KLF7: variants seen among roughly 807,000 people sequenced by gnomAD.
KLF7 encodes the protein KLF transcription factor 7.
Under a neutral mutation model 27.3 loss-of-function variants are expected in KLF7, and 2 were observed. That is an observed-to-expected ratio of 0.07 (90% confidence interval 0.03 to 0.23). The LOEUF is 0.23. Ranked by LOEUF, KLF7 falls within the 10% of genes least tolerant of loss-of-function variation. KLF7 has a pLI of 1.00. For synonymous variants in KLF7, 165 were observed against 162.4 expected, an observed-to-expected ratio of 1.02 and a Z score of -0.12; for missense variants, 221 against 394.1, an observed-to-expected ratio of 0.56 and a Z score of 3.72.
intron 2 of KLF7, among the ~76,000 whole-genome samples, chr2:207,101,283 G>A (rs150389452): frequency 0.012 from 1,759 of 152,288 alleles, 42 homozygotes; most frequent in African/African-American, 0.04. Context: ...GGCTCTTCAC[G>A]TTAGAGCTCA....
At chr2:207,102,960 G>A (rs997441300) in intron 2 of KLF7, among the ~76,000 whole-genome samples, 4 of 152,088 alleles carry the variant, frequency 2.6e-5, no homozygotes, top group Non-Finnish European at 5.9e-5. Flanking sequence ...ACAGAGTCTC[G>A]CTCTGTCACC....
At chr2:207,123,705 A>G in intron 2 of KLF7, 69 bp downstream of exon 2, 1 of 1,514,428 alleles carries the variant, frequency 6.6e-7, no homozygotes, top group Non-Finnish European at 9.0e-7. Flanking sequence ...AACAAAGAGG[A>G]GCCCTCCCAC....
At chr2:207,140,548 G>C (rs921496767) in intron 1 of KLF7, among the ~76,000 whole-genome samples, 3 of 152,140 alleles carry the variant, frequency 2.0e-5, no homozygotes, top group African/African-American at 7.2e-5. Context: ...ATGGAAAACA[G>C]ATGAACAGTA....
At chr2:207,096,465 G>A (rs1209925295) in intron 2 of KLF7, among the ~76,000 whole-genome samples, 1 of 152,164 alleles carries the variant, frequency 6.6e-6, no homozygotes, top group Admixed American at 6.5e-5. Context: ...CTCTGTTTAT[G>A]GGTTCAGGAA....
At chr2:207,151,030 G>C (rs1224021904) in intron 1 of KLF7, among the ~76,000 whole-genome samples, 2 of 147,020 alleles carry the variant, frequency 1.4e-5, no homozygotes, top group African/African-American at 4.9e-5. Flanking sequence ...AGAAAGGAAG[G>C]GAGGGAGGGA....
rs1346699504 is a variant in KLF7 at position 207,076,463 on chromosome 2, G to T, written c.*4750C>A. 1 of 152,094 alleles carries T rather than the reference G, an allele frequency of 6.6e-6. No individual in the cohort carries two copies. Among genetic ancestry groups the T allele is most frequent in the African/African-American group, 2.4e-5 (1 of 41,412 alleles). The allele number at this position is 152,094 out of a possible 1,614,324, so 9.4% of individuals were successfully genotyped here. A position where few individuals can be genotyped will look rare whatever the true frequency, so the allele number is the denominator to read the frequency against. On this transcript the variant is annotated 3_prime_UTR_variant, in exon 4 of 4. Coordinates refer to ENST00000309446, the MANE Select transcript of KLF7 (RefSeq NM_003709.4). ...ACCTGAAAAATACAGTACTCTATTG[G>T]AAGGATGCACATAAGAAAGTTAACT...
intron 2 of KLF7, among the ~76,000 whole-genome samples, chr2:207,095,214 ATT>A (rs1332497865): frequency 1.3e-5 from 2 of 151,376 alleles, no homozygotes; most frequent in African/African-American, 4.9e-5. Flanking sequence ...CGTCCAGCTA[ATT>A]TTTTTGTAAT....
chr2:207,135,688 C>T (rs1449045122), intron 1 of KLF7, among the ~76,000 whole-genome samples: 1 of 152,200 alleles, frequency 6.6e-6, no homozygotes, highest in Admixed American at 6.5e-5. Flanking sequence ...GCCAGAAATT[C>T]TTCCTTCTTC....
At chr2:207,151,405 A>G (rs946986917) in intron 1 of KLF7, among the ~76,000 whole-genome samples, 1 of 151,526 alleles carries the variant, frequency 6.6e-6, no homozygotes, top group African/African-American at 2.4e-5. Context: ...GGCAGGGGGG[A>G]GGGATCGGAA....
At chr2:207,130,037 CTG>C (rs2077581640) in intron 1 of KLF7, among the ~76,000 whole-genome samples, 2 of 152,176 alleles carry the variant, frequency 1.3e-5, no homozygotes, top group Admixed American at 1.3e-4. Flanking sequence ...TCTGTTTAAC[CTG>C]TCTTTATCTC....
At chr2:207,100,536 C>T (rs1308877223) in intron 2 of KLF7, among the ~76,000 whole-genome samples, 1 of 152,074 alleles carries the variant, frequency 6.6e-6, no homozygotes, top group Non-Finnish European at 1.5e-5. Context: ...ATTTTTCTAC[C>T]TTATCACCCA....
At chr2:207,160,265 T>C (rs973835907) in intron 1 of KLF7, among the ~76,000 whole-genome samples, 2 of 152,112 alleles carry the variant, frequency 1.3e-5, no homozygotes, top group Admixed American at 6.6e-5. Context: ...AAGCAGTCAG[T>C]TGATTTGGGA....
chr2:207,171,726 ATTG>A (rs1435009322), upstream of KLF7, among the ~76,000 whole-genome samples: 3 of 152,192 alleles, frequency 2.0e-5, no homozygotes, highest in African/African-American at 7.2e-5. Context: ...AGGTATGTAC[ATTG>A]TTTTTTCTTA....
At chr2:207,161,493 C>T (rs2078544454) in intron 1 of KLF7, among the ~76,000 whole-genome samples, 1 of 152,178 alleles carries the variant, frequency 6.6e-6, no homozygotes, top group African/African-American at 2.4e-5. Flanking sequence ...GGCAAACCTA[C>T]GGATGGACAG....
intron 1 of KLF7, among the ~76,000 whole-genome samples, chr2:207,128,741 T>C (rs1263397242): frequency 2.0e-5 from 3 of 152,158 alleles, no homozygotes; most frequent in Non-Finnish European, 4.4e-5. Context: ...CTCAATCTAA[T>C]CATGAGAAAA....
intron 2 of KLF7, among the ~76,000 whole-genome samples, chr2:207,110,640 AGT>A (rs1382485434): frequency 3.3e-5 from 5 of 152,242 alleles, no homozygotes; most frequent in African/African-American, 1.2e-4. Flanking sequence ...GCTCAGGAAG[AGT>A]CACAATCACG....
chr2:207,114,042 C>T (rs540819835), intron 2 of KLF7, among the ~76,000 whole-genome samples: 11 of 152,160 alleles, frequency 7.2e-5, no homozygotes, highest in Middle Eastern at 3.4e-3. Context: ...CCTATGATAC[C>T]TTTTCTAAAC....
At position 207,100,963 on chromosome 2, in the gene KLF7, A is replaced by G. The variant is rs753300961; in HGVS notation, c.734-12382T>C. On this transcript the variant is annotated intron_variant, in intron 2 of 3. Coordinates refer to ENST00000309446, the MANE Select transcript of KLF7 (RefSeq NM_003709.4). ...CACAAAGTCTAGCACAGGCTCAGAC[A>G]CACTGTAACATGCACTGAATACAAT... Among the ~76,000 whole-genome samples, 47 of 152,244 alleles carry G rather than the reference A, an allele frequency of 3.1e-4. 1 individual carries two copies. The highest frequency in any genetic ancestry group is 4.4e-5 in the Non-Finnish European group (3 of 68,042).
chr2:207,153,762 G>T (rs2078309731), intron 1 of KLF7, among the ~76,000 whole-genome samples: 1 of 152,148 alleles, frequency 6.6e-6, no homozygotes, highest in Non-Finnish European at 1.5e-5. Flanking sequence ...CAGCTGGAAA[G>T]AGACTAGACA....
Sources: allele counts gnomAD v4.1 joint callset (sites outside exome capture counted in the v4.1 genomes callset), GRCh38; gene constraint gnomAD v4.1.1; transcripts MANE v1.5; gene names NCBI Gene and HGNC (gene_info 2026-07-23, HGNC 2026-07-21).